The following ELP6 variants were observed in gnomAD, a reference collection of about 807,000 sequenced individuals.
ELP6 encodes elongator complex protein 6.
ELP6 carries 23 observed loss-of-function variants against 28.1 expected under a neutral mutation model. The observed-to-expected ratio is 0.82, with a 90% CI of 0.59 to 1.16. The LOEUF (loss-of-function observed/expected upper bound fraction) is 1.16. Among genes scored for constraint, ELP6 ranks in the 50% most tolerant of loss-of-function variants. ELP6 has a pLI of 0.00. For missense variants in ELP6, 313 were observed against 334.6 expected, an observed-to-expected ratio of 0.94 and a Z score of 0.50; for synonymous variants, 132 against 135.8, an observed-to-expected ratio of 0.97 and a Z score of 0.19.
chr3:47,498,479 C>T (rs13059519), intron 5 of ELP6, 47 bp from the exon 6 acceptor site: 915,656 of 1,596,836 alleles, frequency 0.57, 267,786 homozygotes, highest in Non-Finnish European at 0.6. Flanking sequence ...GGAAAGGACA[C>T]CCAGAGTCAG....
At chr3:47,497,570 C>T (rs1576336362) in intron 6 of ELP6, among the ~76,000 whole-genome samples, 1 of 151,752 alleles carries the variant, frequency 6.6e-6, no homozygotes, top group East Asian at 2.0e-4. Flanking sequence ...TTCCTGACCT[C>T]AAGTGACCAG....
intron 5 of ELP6, among the ~76,000 whole-genome samples, chr3:47,499,148 C>T (rs1465409227): frequency 6.6e-6 from 1 of 152,142 alleles, no homozygotes; most frequent in Non-Finnish European, 1.5e-5. Flanking sequence ...GAGGCCAAGG[C>T]GGGAGGATCA....
At chr3:47,501,621 G>T in intron 5 of ELP6, 29 bp downstream of exon 5, 1 of 1,607,012 alleles carries the variant, frequency 6.2e-7, no homozygotes, top group South Asian at 1.1e-5. Context: ...GGTCACAGGT[G>T]GGCGCAGAGA....
At chr3:47,512,176 G>T in intron 1 of ELP6, 1 of 504,718 alleles carries the variant, frequency 2.0e-6, no homozygotes, top group Non-Finnish European at 2.6e-6. Context: ...TCATAAAAAG[G>T]CTTTAGACAC....
At chr3:47,510,339 G>C (rs1708978888) in intron 2 of ELP6, 85 bp from the exon 3 acceptor site, 2 of 1,169,612 alleles carry the variant, frequency 1.7e-6, no homozygotes, top group Admixed American at 2.1e-5. Flanking sequence ...AAAAAGCACT[G>C]AGGCAAATCT....
chr3:47,511,998 G>A (rs1205297001), intron 1 of ELP6: 1 of 985,146 alleles, frequency 1.0e-6, no homozygotes, highest in African/African-American at 1.7e-5. Context: ...CCCTAGTGCT[G>A]TCATTTCCTG....
At chr3:47,504,152 C>A in intron 4 of ELP6, 178 bp downstream of exon 4, 2 of 735,084 alleles carry the variant, frequency 2.7e-6, no homozygotes, top group East Asian at 2.8e-5. Flanking sequence ...AAATGTCCAC[C>A]CTCAGCCCCA....
rs780149567 is a variant in ELP6, at chr3:47,496,066, A to T, written c.*3T>A. ...ATGTAGCTTCAGCTGCTCCGAAATC[A>T]GGTCACAGAACAGCAGGAGACATTC... is the stretch of plus-strand genomic sequence containing the variant. On this transcript the variant is annotated 3_prime_UTR_variant, in exon 7 of 7. Transcript: ENST00000296149. 3.7e-6 allele frequency: 6 copies of T among 1,613,948 alleles called. No homozygotes were observed. Among genetic ancestry groups the T allele is most frequent in the Admixed American group, 1.7e-5 (1 of 59,966 alleles).
intron 4 of ELP6, chr3:47,502,234 A>G (rs1708684730): frequency 4.8e-6 from 1 of 206,242 alleles, no homozygotes; most frequent in Admixed American, 6.6e-5. Flanking sequence ...CAATGGTGAA[A>G]CCCCGTCTCT....
In ELP6 at chr3:47,503,512, T is replaced by G. The variant is rs147793257; in HGVS notation, c.323+818A>C. On this transcript the variant is annotated intron_variant, in intron 4 of 6. Coordinates refer to ENST00000296149, the MANE Select transcript of ELP6 (RefSeq NM_001031703.3). ...TCTCTGTCCCAACTACTCAACTCTA[T>G]TTGTTGCTGTAGTGCAAAAACAGCC... 183 of 1,080,888 alleles carry G rather than the reference T, an allele frequency of 1.7e-4. No homozygotes were observed. In the African/African-American group the frequency reaches 2.8e-3, roughly 17 times the overall value. The allele number at this position is 1,080,888 out of a possible 1,614,324, so 67.0% of individuals were successfully genotyped here.
In ELP6 at chr3:47,513,606, C is replaced by G. The variant is rs527987695; in HGVS notation, c.-16G>C. On this transcript the variant is annotated 5_prime_UTR_variant, in exon 1 of 7. Coordinates refer to ENST00000296149, the MANE Select transcript of ELP6 (RefSeq NM_001031703.3). ...CCACGAACATTCCGAGCTCCTGGGA[C>G]TAGCGCTCTGGAGGAGAACCCGGAG... 1.2e-6 allele frequency: 2 copies of G among 1,613,120 alleles called. No homozygotes were observed. The highest frequency in any genetic ancestry group is 1.7e-6 in the Non-Finnish European group (2 of 1,179,592).
intron 5 of ELP6, among the ~76,000 whole-genome samples, chr3:47,500,747 C>T (rs1385754237): frequency 6.6e-6 from 1 of 152,186 alleles, no homozygotes; most frequent in East Asian, 1.9e-4. Flanking sequence ...GTAGCCAGGA[C>T]GGCCTCAGAA....
intron 6 of ELP6, among the ~76,000 whole-genome samples, chr3:47,497,540 T>C (rs1183307004): frequency 6.6e-6 from 1 of 151,840 alleles, no homozygotes; most frequent in East Asian, 2.0e-4. Flanking sequence ...TTTCACCATG[T>C]TGGCCAGGCT....
At chr3:47,500,102 C>T in intron 5 of ELP6, 1 of 1,202,328 alleles carries the variant, frequency 8.3e-7, no homozygotes. Context: ...AAAGGAGGGA[C>T]TGGCATCTGC....
intron 3 of ELP6, among the ~76,000 whole-genome samples, chr3:47,506,827 A>C (rs1488881620): frequency 6.6e-6 from 1 of 152,208 alleles, no homozygotes; most frequent in East Asian, 1.9e-4. Flanking sequence ...AGGCACAGGA[A>C]ATTATAAAAG....
At chr3:47,506,274 C>A (rs537636315) in intron 3 of ELP6, among the ~76,000 whole-genome samples, 5 of 152,108 alleles carry the variant, frequency 3.3e-5, no homozygotes, top group South Asian at 4.2e-4. Context: ...AGGACCGGGG[C>A]GAAATTAAAA....
At chr3:47,505,465 C>T (rs1054993328) in intron 3 of ELP6, among the ~76,000 whole-genome samples, 3 of 152,012 alleles carry the variant, frequency 2.0e-5, no homozygotes, top group African/African-American at 4.8e-5. Context: ...AGTGCAGTGA[C>T]GCAATCTCAG....
At chr3:47,498,467 C>T in intron 5 of ELP6, 35 bp from the exon 6 acceptor site, 1 of 1,604,340 alleles carries the variant, frequency 6.2e-7, no homozygotes, top group South Asian at 1.1e-5. Flanking sequence ...CTGCTCCTTA[C>T]TGGAAAGGAC....
intron 1 of ELP6, 174 bp from the exon 2 acceptor site, chr3:47,511,400 A>C: frequency 7.1e-7 from 1 of 1,414,244 alleles, no homozygotes; most frequent in Non-Finnish European, 9.2e-7. Context: ...AAATTATGGA[A>C]AATCCATGAC....
Sources: gnomAD v4.1 joint callset for allele counts (sites outside exome capture counted in the v4.1 genomes callset) on GRCh38, gnomAD v4.1.1 for gene constraint, MANE v1.5 for transcripts, NCBI Gene and HGNC (gene_info 2026-07-23, HGNC 2026-07-21) for gene names.